The following LINGO2 variants were observed in gnomAD, a reference collection of about 807,000 sequenced individuals.
The protein encoded by LINGO2 is leucine rich repeat and Ig domain containing 2.
In LINGO2, 14 loss-of-function variants were observed where a neutral mutation model predicts 30.6. The observed-to-expected ratio is 0.46, with a 90% CI of 0.30 to 0.72. The LOEUF (loss-of-function observed/expected upper bound fraction) is 0.72. Among genes scored for constraint, LINGO2 ranks in the 30% least tolerant of loss-of-function variants. LINGO2 has a pLI of 0.07. For missense variants in LINGO2, 729 were observed against 751.7 expected, an observed-to-expected ratio of 0.97 and a Z score of 0.35; for synonymous variants, 317 against 288.5, an observed-to-expected ratio of 1.10 and a Z score of -1.00.
At chr9:29,213,501 G>T in the LINGO2 span, among the ~76,000 whole-genome samples, 2 of 152,074 alleles carry the variant, frequency 1.3e-5, no homozygotes, top group African/African-American at 4.8e-5. Flanking sequence ...GGGCGGCGGC[G>T]CCAGGTGAGG....
rs1222616798 is a variant in LINGO2 at position 28,030,036 on chromosome 9, C to T, written c.-86-17631G>A. ...TGTAAGGCCACCAGATATCAGAATA[C>T]ACAAGTAAAGCTGATCCCCAAGGAG... On this transcript the variant is annotated intron_variant, in intron 4 of 5. Transcript: ENST00000379992. Among the ~76,000 whole-genome samples, 4 of 152,246 alleles carry T rather than the reference C, an allele frequency of 2.6e-5. No individual in the cohort carries two copies. The South Asian group carries it at 6.2e-4, about 24-fold the overall frequency.
chr9:28,139,742 A>T (rs1452340), intron 4 of LINGO2, among the ~76,000 whole-genome samples: 3 of 152,018 alleles, frequency 2.0e-5, no homozygotes, highest in South Asian at 2.1e-4. Context: ...ATCACGAAAT[A>T]AAAAAAATAA....
At chr9:29,186,928 T>C in the LINGO2 span, among the ~76,000 whole-genome samples, 1 of 152,270 alleles carries the variant, frequency 6.6e-6, no homozygotes, top group Middle Eastern at 3.4e-3. Context: ...ACAATAATAA[T>C]AAAATTGTAG....
chr9:28,600,098 T>A (rs1204154053), intron 1 of LINGO2, among the ~76,000 whole-genome samples: 1 of 152,136 alleles, frequency 6.6e-6, no homozygotes, highest in East Asian at 1.9e-4. Context: ...ACTCCACCAT[T>A]GCTATGAAAA....
At chr9:29,081,301 C>A in the LINGO2 span, among the ~76,000 whole-genome samples, 10 of 152,082 alleles carry the variant, frequency 6.6e-5, no homozygotes, top group Non-Finnish European at 1.5e-4. Flanking sequence ...AAACGTAATC[C>A]AGCATATAAA....
At chr9:28,799,980 A>C in the LINGO2 span, among the ~76,000 whole-genome samples, 1 of 152,036 alleles carries the variant, frequency 6.6e-6, no homozygotes, top group Non-Finnish European at 1.5e-5. Context: ...TTTTTTTTTC[A>C]TAACAATGAC....
intron 1 of LINGO2, among the ~76,000 whole-genome samples, chr9:28,510,516 G>A (rs945813930): frequency 1.3e-5 from 2 of 152,076 alleles, no homozygotes; most frequent in Non-Finnish European, 1.5e-5. Context: ...AGAAGGAAGA[G>A]GAGGGGTTGA....
chr9:28,713,491 C>T, the LINGO2 span, among the ~76,000 whole-genome samples: 1 of 152,072 alleles, frequency 6.6e-6, no homozygotes, highest in Non-Finnish European at 1.5e-5. Flanking sequence ...TGATAAGCAC[C>T]TCTTGAAAAC....
chr9:28,036,661 C>A (rs1052217295), intron 4 of LINGO2, among the ~76,000 whole-genome samples: 1 of 152,252 alleles, frequency 6.6e-6, no homozygotes, highest in African/African-American at 2.4e-5. Context: ...TGCAACCTAA[C>A]CTGAGTTGAC....
At chr9:28,994,541 A>C in the LINGO2 span, among the ~76,000 whole-genome samples, 6 of 151,388 alleles carry the variant, frequency 4.0e-5, no homozygotes, top group Non-Finnish European at 7.4e-5. Context: ...ATGGAACCAA[A>C]AAAGAGCCTG....
rs16912148 is a variant in LINGO2 at position 27,972,684 on chromosome 9, G to C, written c.-35-21978C>G. The stretch of plus-strand genomic sequence containing the variant: ...TAGAAATTTCTGAGTATTCCAGGCA[G>C]GCTGGTATTGAGGCTTACCACAGGA... On this transcript the variant is annotated intron_variant, in intron 5 of 5. Coordinates refer to ENST00000379992, the Ensembl canonical transcript of LINGO2. Among the ~76,000 whole-genome samples the C allele has an allele frequency of 2.8e-3, 423 of 152,298 alleles. 1 individual carries two copies. Among genetic ancestry groups the C allele is most frequent in the African/African-American group, 9.6e-3 (401 of 41,558 alleles).
the LINGO2 span, among the ~76,000 whole-genome samples, chr9:29,095,632 A>T: frequency 1.4e-5 from 2 of 138,522 alleles, 1 homozygote; most frequent in African/African-American, 5.4e-5. Context: ...CCCTAGTATA[A>T]TTGAGGCTTC....
intron 4 of LINGO2, among the ~76,000 whole-genome samples, chr9:28,123,209 A>C (rs947032263): frequency 1.3e-5 from 2 of 152,256 alleles, no homozygotes; most frequent in African/African-American, 4.8e-5. Context: ...AACTAAGAAT[A>C]ATAACATTTC....
intron 4 of LINGO2, among the ~76,000 whole-genome samples, chr9:28,294,510 ATTTAAT>A (rs1183663965): frequency 6.6e-6 from 1 of 152,222 alleles, no homozygotes; most frequent in African/African-American, 2.4e-5. Context: ...TGGACAACAT[ATTTAAT>A]TTATGTTGTA....
intron 4 of LINGO2, among the ~76,000 whole-genome samples, chr9:28,230,813 A>G (rs1821328833): frequency 6.6e-6 from 1 of 151,970 alleles, no homozygotes; most frequent in African/African-American, 2.4e-5. Context: ...TTTTTTCAAC[A>G]TAATATGCCA....
At chr9:27,978,657 C>A (rs1170127372) in intron 5 of LINGO2, among the ~76,000 whole-genome samples, 1 of 151,932 alleles carries the variant, frequency 6.6e-6, no homozygotes, top group Non-Finnish European at 1.5e-5. Flanking sequence ...CTGTGGTTTA[C>A]AAGCCACCTA....
chr9:28,899,253 T>G, the LINGO2 span, among the ~76,000 whole-genome samples: 1 of 152,136 alleles, frequency 6.6e-6, no homozygotes, highest in East Asian at 1.9e-4. Flanking sequence ...GACAGAAAGG[T>G]TAAGTATCAG....
intron 1 of LINGO2, among the ~76,000 whole-genome samples, chr9:28,510,680 A>G (rs1008288592): frequency 2.0e-4 from 6 of 29,518 alleles, no homozygotes; most frequent in Non-Finnish European, 4.5e-4. Flanking sequence ...AACTGTATAT[A>G]TATGTGTGTG....
intron 1 of LINGO2, among the ~76,000 whole-genome samples, chr9:28,540,056 G>T (rs545478341): frequency 6.6e-6 from 1 of 152,114 alleles, no homozygotes; most frequent in African/African-American, 2.4e-5. Flanking sequence ...GTGGTGTGGG[G>T]ATGAGGGAGA....
Sources: allele counts gnomAD v4.1 joint callset (sites outside exome capture counted in the v4.1 genomes callset), GRCh38; gene constraint gnomAD v4.1.1; transcripts MANE v1.5; gene names NCBI Gene and HGNC (gene_info 2026-07-23, HGNC 2026-07-21).